The following DENND2B variants were observed in gnomAD, a reference collection of about 807,000 sequenced individuals.
The protein encoded by DENND2B is DENN domain containing 2B, also known as DENN domain-containing protein 2B.
Under a neutral mutation model 116.0 loss-of-function variants are expected in DENND2B, and 32 were observed. The ratio of observed to expected loss-of-function variants is 0.28; its 90% CI spans 0.21 to 0.37. The LOEUF (loss-of-function observed/expected upper bound fraction) is 0.37, where lower values mean the gene tolerates loss of function less well. Among genes scored for constraint, DENND2B ranks in the 10% least tolerant of loss-of-function variants. DENND2B has a pLI of 1.00. For synonymous variants in DENND2B, 588 were observed against 583.9 expected (o/e 1.01, Z -0.10); for missense variants, 1,276 against 1,477.7 (o/e 0.86, Z 2.24).
At chr11:8,753,406 A>G (rs547201975) in intron 1 of DENND2B, among the ~76,000 whole-genome samples, 2 of 152,368 alleles carry the variant, frequency 1.3e-5, no homozygotes, top group East Asian at 3.9e-4. Context: ...CATCATTGAA[A>G]GAAATTAGAC....
rs1333864229 is a variant in DENND2B at position 8,750,671 on chromosome 11, G to C, written c.30C>G (p.Ser10Arg). ...TAGTGCCACCAGCTCCGTGGGTGAT[G>C]CTGGAATTCTTGTTGGCAGTCATGG... MTMTANKNS[S>R]ITHGAGGTKA... The change falls in exon 2 of 20, where the codon AGC becomes AGG. Residue 10 changes from serine to arginine, a missense_variant. Physicochemically the swap from Ser to Arg is moderately radical, Grantham distance 110. Coordinates refer to ENST00000313726, the MANE Select transcript of DENND2B (RefSeq NM_213618.2). 6.2e-7 allele frequency: 1 copy of C among 1,614,086 alleles called. No individual in the cohort carries two copies. The highest frequency in any genetic ancestry group is 8.5e-7 in the Non-Finnish European group (1 of 1,180,052).
At chr11:8,908,482 T>C (rs1306416638) in intron 1 of DENND2B, among the ~76,000 whole-genome samples, 7 of 152,246 alleles carry the variant, frequency 4.6e-5, no homozygotes, top group Non-Finnish European at 7.3e-5. Context: ...ATGCACTTTA[T>C]AGATATTAAC....
chr11:8,839,387 AAATT>A (rs2062545893), intron 3 of DENND2B: 48 of 152,350 alleles, frequency 3.2e-4, no homozygotes, highest in African/African-American at 1.1e-3. Context: ...CCACCAAGTA[AAATT>A]CACTTACACT....
At chr11:8,696,289 G>C in intron 18 of DENND2B, 138 bp downstream of exon 18, 1 of 1,306,880 alleles carries the variant, frequency 7.7e-7, no homozygotes, top group East Asian at 2.3e-5. Context: ...ATGCTACCTT[G>C]AAGTTTCTAA....
intron 4 of DENND2B, among the ~76,000 whole-genome samples, chr11:8,836,888 G>A (rs913276543): frequency 4.6e-5 from 7 of 152,122 alleles, no homozygotes; most frequent in Non-Finnish European, 5.9e-5. Flanking sequence ...GCTAATTTTC[G>A]TATTTCTTAT....
chr11:8,892,941 CA>C (rs2064052695), intron 1 of DENND2B, among the ~76,000 whole-genome samples: 1 of 151,970 alleles, frequency 6.6e-6, no homozygotes. Flanking sequence ...AGAGACACAA[CA>C]AAAAAAGAGA....
chr11:8,714,155 ACTCTGG>A, intron 7 of DENND2B, 113 bp from the exon 8 acceptor site: 6 of 1,097,666 alleles, frequency 5.5e-6, no homozygotes, highest in Non-Finnish European at 8.2e-6. Context: ...TCTCTGGGCT[ACTCTGG>A]GCCCATGGTC....
At chr11:8,873,261 T>G (rs1407174446), upstream of DENND2B, among the ~76,000 whole-genome samples, 2 of 152,210 alleles carry the variant, frequency 1.3e-5, no homozygotes, top group Non-Finnish European at 2.9e-5. Context: ...ACAATAATTA[T>G]TTTCATCATT....
chr11:8,856,006 A>T (rs2063181540), intron 3 of DENND2B, among the ~76,000 whole-genome samples: 1 of 152,180 alleles, frequency 6.6e-6, no homozygotes, highest in African/African-American at 2.4e-5. Flanking sequence ...CTGAGCACCC[A>T]ACATATGTTG....
chr11:8,809,328 C>T (rs2061176167), intron 1 of DENND2B: 1 of 152,166 alleles, frequency 6.6e-6, no homozygotes. Context: ...TGCCAGAATA[C>T]AAAAGACATT....
At chr11:8,715,512 GGGAA>G in intron 6 of DENND2B, 87 bp downstream of exon 6, 6 of 1,355,300 alleles carry the variant, frequency 4.4e-6, no homozygotes, top group South Asian at 1.2e-5. Flanking sequence ...GTCCAGATTA[GGGAA>G]GGAAGGAAGC....
chr11:8,878,390 ATT>A (rs150901738), intron 2 of DENND2B, among the ~76,000 whole-genome samples: 28 of 144,538 alleles, frequency 1.9e-4, no homozygotes, highest in Admixed American at 2.8e-4. Context: ...AATTGAATGA[ATT>A]TTTTTTTTTT....
intron 4 of DENND2B, among the ~76,000 whole-genome samples, chr11:8,819,309 A>G (rs2061682127): frequency 6.6e-6 from 1 of 152,108 alleles, no homozygotes; most frequent in Non-Finnish European, 1.5e-5. Flanking sequence ...TGGGAAGCTC[A>G]CTTGAGCCTA....
chr11:8,700,462 C>T (rs183156326), intron 14 of DENND2B, among the ~76,000 whole-genome samples: 80 of 152,320 alleles, frequency 5.3e-4, no homozygotes, highest in African/African-American at 1.7e-3. Flanking sequence ...TTCTCCTGGG[C>T]TGAGGATGGG....
chr11:8,903,474 T>TAAAAAAAA (rs35974143), intron 1 of DENND2B, among the ~76,000 whole-genome samples: 2 of 116,274 alleles, frequency 1.7e-5, no homozygotes, highest in Admixed American at 8.8e-5. Context: ...ACCAAGATGT[T>TAAAAAAAA]AAAAAAAAAA....
chr11:8,715,774 C>G lies in DENND2B; in HGVS notation c.1674G>C (p.Trp558Cys). The G allele has an allele frequency of 2.5e-6, 4 of 1,612,944 alleles. No homozygotes were observed. The highest frequency in any genetic ancestry group is 3.4e-6 in the Non-Finnish European group (4 of 1,179,084). The change falls in exon 6 of 20, where the codon TGG becomes TGC. Residue 558 changes from tryptophan (W) to cysteine (C), a missense_variant. Trp to Cys is a radical substitution (Grantham distance 215, BLOSUM62 -2). Transcript: ENST00000313726. Reference protein sequence around the residue: ...PNSQSLRSGNWSERKSHRLPR... With the variant: ...PNSQSLRSGNCSERKSHRLPR... ...GCAGCCGGTGGCTCTTCCTTTCTGACCAGTTCCCACTGCGCAGGGACTGGC... is the reference window on the plus strand; with the variant it reads ...GCAGCCGGTGGCTCTTCCTTTCTGAGCAGTTCCCACTGCGCAGGGACTGGC...
chr11:8,797,751 C>T (rs2059962103), intron 1 of DENND2B, among the ~76,000 whole-genome samples: 1 of 151,934 alleles, frequency 6.6e-6, no homozygotes, highest in Admixed American at 6.6e-5. Context: ...TGCCCAGCAC[C>T]CTACTCTTTT....
chr11:8,734,940 G>C (rs1460328894), intron 2 of DENND2B, among the ~76,000 whole-genome samples: 1 of 142,790 alleles, frequency 7.0e-6, no homozygotes, highest in Non-Finnish European at 1.5e-5. Flanking sequence ...TGGCTCTTCA[G>C]AGTAATCACC....
At chr11:8,812,426 C>T (rs529936356), upstream of DENND2B, among the ~76,000 whole-genome samples, 98 of 152,174 alleles carry the variant, frequency 6.4e-4, no homozygotes, top group African/African-American at 2.0e-3. Context: ...AATCTTGGCT[C>T]GTCTGTTCAA....
Sources: allele counts gnomAD v4.1 joint callset (sites outside exome capture counted in the v4.1 genomes callset), GRCh38; gene constraint gnomAD v4.1.1; transcripts MANE v1.5; gene names NCBI Gene and HGNC (gene_info 2026-07-23, HGNC 2026-07-21).